ZNF331: variants seen among roughly 807,000 people sequenced by gnomAD.
The protein encoded by ZNF331 is zinc finger protein 331.
ZNF331 carries 2 observed loss-of-function variants against 7.0 expected under a neutral mutation model. That is an observed-to-expected ratio of 0.29 (90% CI 0.12 to 0.90). The LOEUF is 0.90. Among genes scored for constraint, ZNF331 ranks in the 40% least tolerant of loss-of-function variants. ZNF331 has a pLI of 0.58. For missense variants in ZNF331, 432 were observed against 587.7 expected, an observed-to-expected ratio of 0.74 and a Z score of 2.74; for synonymous variants, 196 against 205.4, an observed-to-expected ratio of 0.95 and a Z score of 0.39.
At chr19:53,538,979 G>C (rs1475726437) in intron 1 of ZNF331, 3 of 152,274 alleles carry the variant, frequency 2.0e-5, no homozygotes, top group Admixed American at 1.3e-4. Flanking sequence ...CAGAAGTGCT[G>C]TGCATGCAGG....
chr19:53,532,765 T>G (rs769079782), intron 2 of ZNF331, among the ~76,000 whole-genome samples: 19 of 152,238 alleles, frequency 1.2e-4, no homozygotes, highest in Non-Finnish European at 1.8e-4. Flanking sequence ...TGTGTGTTTC[T>G]AGGAATTAAT....
intron 3 of ZNF331, among the ~76,000 whole-genome samples, chr19:53,559,289 C>A (rs564901379): frequency 6.6e-6 from 1 of 150,476 alleles, no homozygotes; most frequent in South Asian, 2.1e-4. Context: ...TATATACATA[C>A]CATACGTATA....
intron 3 of ZNF331, among the ~76,000 whole-genome samples, chr19:53,556,165 C>G (rs1430290087): frequency 6.7e-6 from 1 of 149,104 alleles, no homozygotes; most frequent in East Asian, 2.0e-4. Flanking sequence ...ATGGCGGGAA[C>G]CCGGGAGGCG....
At chr19:53,520,754 A>G (rs990249143), upstream of ZNF331, among the ~76,000 whole-genome samples, 4 of 152,192 alleles carry the variant, frequency 2.6e-5, no homozygotes. Context: ...GCGCCCTTCC[A>G]GATACGTCGA....
At chr19:53,537,330 A>G (rs1308992422), upstream of ZNF331, 1 of 152,328 alleles carries the variant, frequency 6.6e-6, no homozygotes, top group African/African-American at 2.4e-5. Context: ...TGCAGCAAGC[A>G]AGGGACACCG....
chr19:53,567,203 C>T (rs1209073446), intron 3 of ZNF331, among the ~76,000 whole-genome samples: 1 of 152,052 alleles, frequency 6.6e-6, no homozygotes, highest in Non-Finnish European at 1.5e-5. Flanking sequence ...CAAAAGTGCT[C>T]TCAGATGTCA....
At position 53,539,985 on chromosome 19, in the gene ZNF331, A is replaced by G. The variant is rs900618955; in HGVS notation, c.-138+703A>G. 6.6e-6 allele frequency among the ~76,000 whole-genome samples: 1 copy of G among 152,266 alleles called. No individual in the cohort carries two copies. The highest frequency in any genetic ancestry group is 1.5e-5 in the Non-Finnish European group (1 of 68,046). On this transcript the variant is annotated intron_variant, in intron 2 of 5. Transcript: ENST00000449416. This position sits in a 1 kb window ranked among gnomAD's most constrained non-coding sequence, Gnocchi z 6.1. ...TAAACACTACTAATAGTTATTAACA[A>G]TAGTAAATGAAGGAAATGCTTCAGT...
chr19:53,556,147 G>T (rs2089399667), intron 3 of ZNF331, among the ~76,000 whole-genome samples: 1 of 151,232 alleles, frequency 6.6e-6, no homozygotes, highest in South Asian at 2.1e-4. Flanking sequence ...GGAGGCTGAG[G>T]CAGGAGAATG....
intron 2 of ZNF331, among the ~76,000 whole-genome samples, chr19:53,531,372 T>C (rs1387812887): frequency 6.6e-6 from 1 of 152,228 alleles, no homozygotes; most frequent in East Asian, 1.9e-4. Context: ...AAGTCTCTCT[T>C]CTGAATGTTA....
upstream of ZNF331, among the ~76,000 whole-genome samples, chr19:53,517,778 A>G (rs1470887722): frequency 6.6e-6 from 1 of 152,198 alleles, no homozygotes; most frequent in East Asian, 1.9e-4. Context: ...GGAAGCCAAC[A>G]GTGCAGCCTT....
In ZNF331 at chr19:53,579,047, C is replaced by T. The variant is rs1278775575; in HGVS notation, c.*1095C>T. ...CTCCTGACCTCAGGTGATCCACCCA[C>T]CTTGCCCTCCCAAAGTGCTAGGATT... On this transcript the variant is annotated 3_prime_UTR_variant, in exon 6 of 6. Transcript: ENST00000449416. The T allele has an allele frequency of 1.1e-5, 2 of 186,556 alleles. No individual in the cohort carries two copies. The highest frequency in any genetic ancestry group is 4.7e-5 in the African/African-American group (2 of 42,718). 11.6% of individuals were successfully genotyped at this position (186,556 alleles called of 1,614,324 possible). A position where few individuals can be genotyped will look rare whatever the true frequency, so the allele number is the denominator to read the frequency against.
chr19:53,575,259 A>G (rs2090653405), intron 5 of ZNF331, among the ~76,000 whole-genome samples: 1 of 151,676 alleles, frequency 6.6e-6, no homozygotes, highest in Non-Finnish European at 1.5e-5. Flanking sequence ...TTTTATAATA[A>G]AGGTCTGGTT....
At chr19:53,561,973 C>T (rs141696972) in intron 3 of ZNF331, among the ~76,000 whole-genome samples, 5,323 of 151,918 alleles carry the variant, frequency 0.035, 299 homozygotes, top group African/African-American at 0.12. Flanking sequence ...CATGGTGAAA[C>T]GCCGTCTCTA....
rs1026500488 is a variant in ZNF331, at chr19:53,578,511, T to C, written c.*559T>C. 1.8e-5 allele frequency: 4 copies of C among 222,190 alleles called. No homozygotes were observed. In the Admixed American group the frequency reaches 2.2e-4, roughly 12 times the overall value. 13.8% of individuals were successfully genotyped at this position (222,190 alleles called of 1,614,324 possible). A position where few individuals can be genotyped will look rare whatever the true frequency, so the allele number is the denominator to read the frequency against. On this transcript the variant is annotated 3_prime_UTR_variant, in exon 6 of 6. Transcript: ENST00000449416. ...TATTGTTACAATTGTTCTATTTTGT[T>C]AGTTACTGTTGGTAATCTCTTACTG...
At chr19:53,574,908 T>C (rs2090631631) in intron 5 of ZNF331, among the ~76,000 whole-genome samples, 1 of 151,802 alleles carries the variant, frequency 6.6e-6, no homozygotes, top group Non-Finnish European at 1.5e-5. Flanking sequence ...TTTTTCTTTG[T>C]CAGTTTTTAT....
rs1169158645 is a variant in ZNF331, at chr19:53,539,754, G to A, written c.-138+472G>A. On this transcript the variant is annotated intron_variant, in intron 2 of 5. Coordinates refer to ENST00000449416, the MANE Select transcript of ZNF331 (RefSeq NM_001079906.2). The surrounding 1 kb of genome is among the most constrained non-coding windows in gnomAD (Gnocchi z 6.1). Reference sequence around the variant, plus strand: ...CTAAGGAGATACTCTGTAATTTCATGGCATTAAGAAGGATGGACATGCCCC... The same window carrying A: ...CTAAGGAGATACTCTGTAATTTCATAGCATTAAGAAGGATGGACATGCCCC... 6.6e-6 allele frequency among the ~76,000 whole-genome samples: 1 copy of A among 152,136 alleles called. No homozygotes were observed. Among genetic ancestry groups the A allele is most frequent in the Non-Finnish European group, 1.5e-5 (1 of 68,028 alleles).
chr19:53,553,772 C>G (rs952280198), intron 2 of ZNF331, among the ~76,000 whole-genome samples: 1 of 152,210 alleles, frequency 6.6e-6, no homozygotes, highest in Non-Finnish European at 1.5e-5. Context: ...CAGAGAATTC[C>G]AGGTGATGCT....
At position 53,558,780 on chromosome 19, in the gene ZNF331, T is replaced by C. The variant is rs1315945891; in HGVS notation, c.-74+2872T>C. Among the ~76,000 whole-genome samples, 4 of 151,724 alleles carry C rather than the reference T, an allele frequency of 2.6e-5. No individual in the cohort carries two copies. The highest frequency in any genetic ancestry group is 9.7e-5 in the African/African-American group (4 of 41,204). On this transcript the variant is annotated intron_variant, in intron 3 of 5. Transcript: ENST00000449416. This position sits in a 1 kb window ranked among gnomAD's most constrained non-coding sequence, Gnocchi z 4.5. Reference sequence around the variant, plus strand: ...TTATGGAATTATGAGCCAGGAACCATGGACAAGAACATACAGACACACTCA... The same window carrying C: ...TTATGGAATTATGAGCCAGGAACCACGGACAAGAACATACAGACACACTCA...
chr19:53,526,308 C>G (rs1438152901), intron 2 of ZNF331, among the ~76,000 whole-genome samples: 1 of 152,094 alleles, frequency 6.6e-6, no homozygotes, highest in Non-Finnish European at 1.5e-5. Context: ...ATAGTCCCTT[C>G]TCTTGGATTT....
Sources: allele counts gnomAD v4.1 joint callset (sites outside exome capture counted in the v4.1 genomes callset), GRCh38; gene constraint gnomAD v4.1.1; non-coding constraint Gnocchi (gnomAD v3.1); transcripts MANE v1.5; gene names NCBI Gene and HGNC (gene_info 2026-07-23, HGNC 2026-07-21).